Variants in SEMA3C observed in about 807,000 individuals in gnomAD.
SEMA3C encodes the protein semaphorin-3C.
Under a neutral mutation model 89.4 loss-of-function variants are expected in SEMA3C, and 47 were observed. The ratio of observed to expected loss-of-function variants is 0.53; its 90% CI spans 0.42 to 0.67. The LOEUF (loss-of-function observed/expected upper bound fraction) is 0.67, where lower values mean the gene tolerates loss of function less well. Ranked by LOEUF, SEMA3C falls within the 30% of genes least tolerant of loss-of-function variation. The probability of loss-of-function intolerance (pLI) is 0.00; values close to 1 mark genes in which losing one functional copy is unlikely to be tolerated. For missense variants in SEMA3C, 839 were observed against 929.1 expected (o/e 0.90, Z 1.26); for synonymous variants, 310 against 320.2 (o/e 0.97, Z 0.34).
At chr7:80,774,068 A>T (rs966715205) in intron 12 of SEMA3C, among the ~76,000 whole-genome samples, 12 of 152,298 alleles carry the variant, frequency 7.9e-5, no homozygotes, top group African/African-American at 2.9e-4. Flanking sequence ...CAAAACCCAT[A>T]ACCTAATCTG....
At chr7:80,801,632 G>A (rs1320363324) in intron 9 of SEMA3C, among the ~76,000 whole-genome samples, 1 of 151,764 alleles carries the variant, frequency 6.6e-6, no homozygotes, top group Non-Finnish European at 1.5e-5. Context: ...GAATTTAAAT[G>A]ACCTCATAAG....
At chr7:80,919,828 C>T (rs1328566742), upstream of SEMA3C, among the ~76,000 whole-genome samples, 1 of 152,066 alleles carries the variant, frequency 6.6e-6, no homozygotes, top group Non-Finnish European at 1.5e-5. Flanking sequence ...CCGCCTCAGC[C>T]GCCCAAAGTG....
intron 2 of SEMA3C, among the ~76,000 whole-genome samples, chr7:80,873,770 G>A (rs1483457930): frequency 6.6e-6 from 1 of 152,174 alleles, no homozygotes; most frequent in African/African-American, 2.4e-5. Context: ...ATTGTGGTAT[G>A]CAAGGGAGTG....
chr7:80,823,157 T>C (rs866925216), intron 4 of SEMA3C, among the ~76,000 whole-genome samples: 6 of 152,194 alleles, frequency 3.9e-5, no homozygotes, highest in African/African-American at 1.4e-4. Flanking sequence ...TTAAGAGTGA[T>C]TATGTTTCAG....
At chr7:80,818,567 G>T in intron 4 of SEMA3C, 149 bp from the exon 5 acceptor site, 1 of 689,462 alleles carries the variant, frequency 1.5e-6, no homozygotes, top group Non-Finnish European at 2.3e-6. Context: ...CAATCTTTTG[G>T]CTTCCCTAGG....
At chr7:80,842,598 T>C (rs757297465) in intron 2 of SEMA3C, among the ~76,000 whole-genome samples, 20 of 152,116 alleles carry the variant, frequency 1.3e-4, no homozygotes, top group Non-Finnish European at 2.8e-4. Flanking sequence ...ACCTAAGTAT[T>C]AACAGCTCAT....
At chr7:80,921,186 G>C (rs1792402205), upstream of SEMA3C, among the ~76,000 whole-genome samples, 1 of 152,098 alleles carries the variant, frequency 6.6e-6, no homozygotes, top group South Asian at 2.1e-4. Context: ...AAATAGCTTA[G>C]ATTTAATCAC....
intron 12 of SEMA3C, among the ~76,000 whole-genome samples, chr7:80,777,653 T>C (rs930992752): frequency 6.6e-6 from 1 of 152,198 alleles, no homozygotes; most frequent in Admixed American, 6.5e-5. Flanking sequence ...ATGGTGACTA[T>C]GGGAATATCT....
intron 2 of SEMA3C, among the ~76,000 whole-genome samples, chr7:80,912,353 T>C (rs1444133518): frequency 6.6e-6 from 1 of 152,198 alleles, no homozygotes; most frequent in East Asian, 1.9e-4. Flanking sequence ...CAATACATAT[T>C]ACAGGGGAAA....
At chr7:80,808,135 A>C (rs984081329) in intron 6 of SEMA3C, among the ~76,000 whole-genome samples, 1 of 152,202 alleles carries the variant, frequency 6.6e-6, no homozygotes, top group Non-Finnish European at 1.5e-5. Context: ...CAATTCTCTA[A>C]GGGCAAGACT....
At chr7:80,895,459 A>G (rs1460156553) in intron 2 of SEMA3C, among the ~76,000 whole-genome samples, 2 of 152,208 alleles carry the variant, frequency 1.3e-5, no homozygotes, top group Non-Finnish European at 2.9e-5. Context: ...TCTAATGTTC[A>G]GATGCAGCAA....
intron 2 of SEMA3C, among the ~76,000 whole-genome samples, chr7:80,844,755 G>C (rs1015386227): frequency 1.3e-5 from 2 of 152,088 alleles, no homozygotes; most frequent in Non-Finnish European, 2.9e-5. Context: ...TCTGGCTCTA[G>C]AACTACTGCC....
intron 2 of SEMA3C, among the ~76,000 whole-genome samples, chr7:80,834,831 A>T: frequency 6.6e-6 from 1 of 152,344 alleles, no homozygotes; most frequent in Non-Finnish European, 1.5e-5. Context: ...CTATACTTTA[A>T]ATCATCTCCA....
In SEMA3C at chr7:80,859,917, A is replaced by AT. The variant is rs1410392275; in HGVS notation, c.104-31173dup. On this transcript the variant is annotated intron_variant, in intron 2 of 17. Coordinates refer to ENST00000265361, the MANE Select transcript of SEMA3C (RefSeq NM_006379.5). ...TCCCTTTGTAAGTCTGCTAGACACT[A>AT]TTTTTTTTTTTAAAATAATCGGGTT... Among the ~76,000 whole-genome samples, 870 of 147,772 alleles carry AT rather than the reference A, an allele frequency of 5.9e-3. 5 individuals carry two copies. Among genetic ancestry groups the AT allele is most frequent in the African/African-American group, 0.018 (732 of 40,548 alleles).
intron 2 of SEMA3C, among the ~76,000 whole-genome samples, chr7:80,914,157 G>A (rs1165749899): frequency 5.3e-5 from 8 of 152,166 alleles, no homozygotes; most frequent in Admixed American, 5.2e-4. Flanking sequence ...CCTTTCAGTT[G>A]CTGATTTTTT....
chr7:80,907,082 T>C (rs1228915913), intron 2 of SEMA3C, among the ~76,000 whole-genome samples: 1 of 152,156 alleles, frequency 6.6e-6, no homozygotes, highest in African/African-American at 2.4e-5. Context: ...ATGTACATAA[T>C]TAGATTTTTA....
chr7:80,911,862 T>C (rs1792159038), intron 2 of SEMA3C, among the ~76,000 whole-genome samples: 2 of 152,122 alleles, frequency 1.3e-5, no homozygotes. Flanking sequence ...CTTGATCTCC[T>C]GACCTCGTGA....
At chr7:80,791,676 A>G (rs1788943330) in intron 11 of SEMA3C, among the ~76,000 whole-genome samples, 1 of 152,214 alleles carries the variant, frequency 6.6e-6, no homozygotes, top group Non-Finnish European at 1.5e-5. Flanking sequence ...AGACCTCAGC[A>G]GAAGATAGAA....
At chr7:80,883,647 C>G (rs1791405057) in intron 2 of SEMA3C, among the ~76,000 whole-genome samples, 1 of 152,204 alleles carries the variant, frequency 6.6e-6, no homozygotes, top group Non-Finnish European at 1.5e-5. Flanking sequence ...ACCCATGCTT[C>G]TTGCTGTTCC....
Sources: allele counts gnomAD v4.1 joint callset (sites outside exome capture counted in the v4.1 genomes callset), GRCh38; gene constraint gnomAD v4.1.1; transcripts MANE v1.5; gene names NCBI Gene and HGNC (gene_info 2026-07-23, HGNC 2026-07-21).